Variants in FGF10 observed in about 807,000 individuals in gnomAD.
The protein encoded by FGF10 is fibroblast growth factor 10, also known as FGF-10.
Under a neutral mutation model 19.8 loss-of-function variants are expected in FGF10, and 2 were observed. That is an observed-to-expected ratio of 0.10 (90% CI 0.04 to 0.32). FGF10 has a LOEUF of 0.32. Ranked by LOEUF, FGF10 falls within the 10% of genes least tolerant of loss-of-function variation. The probability of loss-of-function intolerance (pLI) is 1.00; values close to 1 mark genes in which losing one functional copy is unlikely to be tolerated. For synonymous variants in FGF10, 112 were observed against 94.0 expected (o/e 1.19, Z -1.10); for missense variants, 191 against 246.3 (o/e 0.78, Z 1.50).
chr5:44,383,083 GTAGT>G, intron 1 of FGF10, among the ~76,000 whole-genome samples: 1 of 152,084 alleles, frequency 6.6e-6, no homozygotes, highest in East Asian at 1.9e-4. Flanking sequence ...TAGGAAAGAT[GTAGT>G]TATTCACAGG....
intron 1 of FGF10, among the ~76,000 whole-genome samples, chr5:44,349,457 T>TATATATATATCAGAATAC (rs1561210170): frequency 2.9e-3 from 85 of 29,798 alleles, no homozygotes; most frequent in Middle Eastern, 0.036. Flanking sequence ...TATATATATA[T>TATATATATATCAGAATAC]ATATATATAT....
intron 1 of FGF10, among the ~76,000 whole-genome samples, chr5:44,330,917 T>G (rs1156510473): frequency 6.6e-6 from 1 of 152,202 alleles, no homozygotes; most frequent in Non-Finnish European, 1.5e-5. Context: ...ATTAAAAAAA[T>G]GGACGTTTTC....
chr5:44,378,952 A>G (rs1561220540), intron 1 of FGF10, among the ~76,000 whole-genome samples: 3 of 152,128 alleles, frequency 2.0e-5, no homozygotes, highest in African/African-American at 7.2e-5. Flanking sequence ...GTGTGTGTCA[A>G]TTCAGATTTC....
chr5:44,357,188 C>T (rs746245447), intron 1 of FGF10, among the ~76,000 whole-genome samples: 32 of 151,018 alleles, frequency 2.1e-4, no homozygotes, highest in Non-Finnish European at 3.9e-4. Context: ...ACAACAAAAC[C>T]CTAAAGTTGG....
chr5:44,365,219 C>G (rs1444449427), intron 1 of FGF10, among the ~76,000 whole-genome samples: 1 of 151,752 alleles, frequency 6.6e-6, no homozygotes, highest in Non-Finnish European at 1.5e-5. Context: ...GAGCTGTCAA[C>G]AGGCTTTGGT....
At chr5:44,322,384 G>A (rs531560620) in intron 1 of FGF10, among the ~76,000 whole-genome samples, 2 of 152,162 alleles carry the variant, frequency 1.3e-5, no homozygotes, top group Non-Finnish European at 2.9e-5. Context: ...CATTAGCTGT[G>A]ATTTATAAAG....
intron 2 of FGF10, among the ~76,000 whole-genome samples, chr5:44,306,905 A>T (rs1361539443): frequency 6.6e-6 from 1 of 152,220 alleles, no homozygotes; most frequent in Non-Finnish European, 1.5e-5. Context: ...ATAAATCCTT[A>T]GTGTGGATTT....
intron 1 of FGF10, among the ~76,000 whole-genome samples, chr5:44,333,959 C>T (rs1184336594): frequency 1.2e-4 from 18 of 152,040 alleles, no homozygotes; most frequent in African/African-American, 4.1e-4. Flanking sequence ...ACCCCTTCAG[C>T]GTAGCTTTCA....
intron 1 of FGF10, among the ~76,000 whole-genome samples, chr5:44,357,171 T>A (rs972348655): frequency 6.6e-6 from 1 of 151,438 alleles, no homozygotes; most frequent in African/African-American, 2.4e-5. Flanking sequence ...GTTATTTTTG[T>A]TTAGCAACAA....
intron 1 of FGF10, among the ~76,000 whole-genome samples, chr5:44,323,964 A>G (rs1246336165): frequency 6.6e-6 from 1 of 152,144 alleles, no homozygotes. Flanking sequence ...AAAAATGCAA[A>G]GAGAATAGTA....
chr5:44,384,224 A>T (rs959271241), intron 1 of FGF10, among the ~76,000 whole-genome samples: 1 of 152,126 alleles, frequency 6.6e-6, no homozygotes, highest in Admixed American at 6.5e-5. Context: ...ATAAAATGAC[A>T]TTCATGGATT....
intron 2 of FGF10, among the ~76,000 whole-genome samples, chr5:44,306,169 A>T (rs1167693047): frequency 6.6e-6 from 1 of 152,152 alleles, no homozygotes; most frequent in Non-Finnish European, 1.5e-5. Context: ...AGGCTGAGGC[A>T]GGCGAATCAC....
chr5:44,312,455 C>G (rs1171120137), intron 1 of FGF10, among the ~76,000 whole-genome samples: 1 of 152,066 alleles, frequency 6.6e-6, no homozygotes, highest in Non-Finnish European at 1.5e-5. Flanking sequence ...TCCATCACAT[C>G]TTCCTCCTCT....
intron 1 of FGF10, among the ~76,000 whole-genome samples, chr5:44,332,004 C>T (rs1227443803): frequency 6.6e-6 from 1 of 152,168 alleles, no homozygotes; most frequent in Admixed American, 6.5e-5. Flanking sequence ...CTACCAATTC[C>T]TCCCTATCTC....
intron 1 of FGF10, among the ~76,000 whole-genome samples, chr5:44,365,987 C>T (rs1276832696): frequency 6.6e-6 from 1 of 151,770 alleles, no homozygotes; most frequent in Non-Finnish European, 1.5e-5. Flanking sequence ...ATTATTTCCT[C>T]CCCATTTATT....
chr5:44,340,463 TTGAAAGTTCAATGACATTATATGCAGCA>T (rs1740944010), intron 1 of FGF10, among the ~76,000 whole-genome samples: 1 of 152,124 alleles, frequency 6.6e-6, no homozygotes, highest in Admixed American at 6.6e-5. Context: ...TAATAAAATT[TTGAAAGTTCAATGACATTATATGCAGCA>T]TGAAAAGAAG....
intron 2 of FGF10, 47 bp downstream of exon 2, chr5:44,310,380 G>C: frequency 1.5e-6 from 2 of 1,323,100 alleles, no homozygotes; most frequent in African/African-American, 1.5e-5. Context: ...CAAAACTATG[G>C]TAATGGTTTA....
chr5:44,302,333 GTCTT>G lies in FGF10; in HGVS notation c.*2658_*2661del. Among the ~76,000 whole-genome samples, 1 of 92,680 alleles carries G rather than the reference GTCTT, an allele frequency of 1.1e-5. No individual in the cohort carries two copies. Among genetic ancestry groups the G allele is most frequent in the East Asian group, 4.0e-4 (1 of 2,516 alleles). 60.8% of individuals were successfully genotyped at this position (92,680 alleles called of 152,430 possible). A position where few individuals can be genotyped will look rare whatever the true frequency, so the allele number is the denominator to read the frequency against. ...TTCCTTCCTTCCTTCCTTCCTTCCT[GTCTT>G]TCTGTCTTTTCTCTCTTTCTTTTCT... On this transcript the variant is annotated 3_prime_UTR_variant, in exon 3 of 3. Transcript: ENST00000264664.
rs1739942747 is a variant in FGF10 at position 44,300,282 on chromosome 5, A to C, written c.*4713T>G. On this transcript the variant is annotated 3_prime_UTR_variant, in exon 3 of 3. Coordinates refer to ENST00000264664, the MANE Select transcript of FGF10 (RefSeq NM_004465.2). ...TTTTTTTTTTATTTTACACTTAAAC[A>C]ATGAATGACATCAGGGTTTCAGATT... Among the ~76,000 whole-genome samples the C allele has an allele frequency of 6.6e-6, 1 of 152,102 alleles. No individual in the cohort carries two copies. Among genetic ancestry groups the C allele is most frequent in the Non-Finnish European group, 1.5e-5 (1 of 68,012 alleles).
Sources: gnomAD v4.1 joint callset for allele counts (sites outside exome capture counted in the v4.1 genomes callset) on GRCh38, gnomAD v4.1.1 for gene constraint, MANE v1.5 for transcripts, NCBI Gene and HGNC (gene_info 2026-07-23, HGNC 2026-07-21) for gene names.